The following CTNNA2 variants were observed in gnomAD, a reference collection of about 807,000 sequenced individuals.
CTNNA2 encodes catenin alpha 2, also known as catenin alpha-2.
CTNNA2 carries 42 observed loss-of-function variants against 101.0 expected under a neutral mutation model. The observed-to-expected ratio is 0.42, with a 90% confidence interval of 0.32 to 0.54. The LOEUF is 0.54. CTNNA2 is among the 20% of genes least tolerant of loss of function. CTNNA2 has a pLI of 0.14. For synonymous variants in CTNNA2, 450 were observed against 456.4 expected, an observed-to-expected ratio of 0.99 and a Z score of 0.18; for missense variants, 871 against 1,223.1, an observed-to-expected ratio of 0.71 and a Z score of 4.29.
intron 6 of CTNNA2, among the ~76,000 whole-genome samples, chr2:79,892,869 G>A (rs1031260050): frequency 2.0e-5 from 3 of 152,116 alleles, no homozygotes; most frequent in Non-Finnish European, 4.4e-5. Flanking sequence ...GAAATATTGG[G>A]GTGGAGGCAG....
intron 4 of CTNNA2, among the ~76,000 whole-genome samples, chr2:79,471,548 T>G (rs766945837): frequency 9.9e-5 from 15 of 152,074 alleles, no homozygotes; most frequent in Non-Finnish European, 2.1e-4. Flanking sequence ...GTTAAGATTT[T>G]AACATATCGG....
At chr2:79,751,184 T>C (rs1672010612) in intron 3 of CTNNA2, among the ~76,000 whole-genome samples, 1 of 152,152 alleles carries the variant, frequency 6.6e-6, no homozygotes, top group African/African-American at 2.4e-5. Flanking sequence ...ATTGGTGGGA[T>C]AAGAATTTCA....
chr2:80,251,450 T>C (rs1671756640), intron 7 of CTNNA2, among the ~76,000 whole-genome samples: 1 of 151,982 alleles, frequency 6.6e-6, no homozygotes, highest in South Asian at 2.1e-4. Flanking sequence ...AAAATGGAAA[T>C]CCATACGAAG....
chr2:79,424,889 G>T (rs543979423), intron 4 of CTNNA2, among the ~76,000 whole-genome samples: 1 of 152,218 alleles, frequency 6.6e-6, no homozygotes, highest in Non-Finnish European at 1.5e-5. Flanking sequence ...TAATTTTTTA[G>T]AAATGGAAAT....
chr2:80,382,264 G>A (rs564002700), intron 7 of CTNNA2, among the ~76,000 whole-genome samples: 3 of 152,098 alleles, frequency 2.0e-5, no homozygotes, highest in South Asian at 2.1e-4. Flanking sequence ...GCTTAGCACC[G>A]ATTCTGTGTA....
At chr2:79,293,939 G>A (rs1276733726) in intron 2 of CTNNA2, among the ~76,000 whole-genome samples, 2 of 151,920 alleles carry the variant, frequency 1.3e-5, no homozygotes, top group South Asian at 2.1e-4. Context: ...TATAAAACGA[G>A]AATAATAATA....
intron 7 of CTNNA2, among the ~76,000 whole-genome samples, chr2:80,223,091 ATAT>A (rs949178191): frequency 2.0e-5 from 3 of 152,128 alleles, no homozygotes; most frequent in East Asian, 3.9e-4. Context: ...CATCATGACC[ATAT>A]TATTATCTGT....
intron 18 of CTNNA2, among the ~76,000 whole-genome samples, chr2:80,635,077 A>G (rs1445301781): frequency 6.6e-6 from 1 of 152,144 alleles, no homozygotes; most frequent in Non-Finnish European, 1.5e-5. Context: ...CCTGAAGTAT[A>G]ATTTAGATGG....
intron 9 of CTNNA2, among the ~76,000 whole-genome samples, chr2:80,431,765 A>G (rs537819586): frequency 2.4e-4 from 37 of 152,346 alleles, no homozygotes; most frequent in African/African-American, 8.7e-4. Context: ...CAGCTTGGTC[A>G]TTATGTAAGT....
chr2:79,492,161 T>C (rs1165784817), intron 4 of CTNNA2, among the ~76,000 whole-genome samples: 1 of 152,094 alleles, frequency 6.6e-6, no homozygotes. Flanking sequence ...TTAATATTCA[T>C]ACTATTTATA....
intron 2 of CTNNA2, among the ~76,000 whole-genome samples, chr2:79,213,988 C>G (rs1298450357): frequency 1.3e-5 from 2 of 152,170 alleles, no homozygotes; most frequent in Non-Finnish European, 2.9e-5. Flanking sequence ...GACAGAAACA[C>G]TACAGGGTGG....
At chr2:79,189,345 T>G (rs902518440) in intron 1 of CTNNA2, among the ~76,000 whole-genome samples, 7 of 152,190 alleles carry the variant, frequency 4.6e-5, no homozygotes, top group Non-Finnish European at 2.9e-5. Flanking sequence ...TGCCAATTTT[T>G]GGCTTTATTA....
intron 7 of CTNNA2, among the ~76,000 whole-genome samples, chr2:80,273,867 C>G (rs1283351758): frequency 6.6e-6 from 1 of 152,118 alleles, no homozygotes; most frequent in African/African-American, 2.4e-5. Flanking sequence ...TGTAAACACT[C>G]TACCTTTCCC....
intron 4 of CTNNA2, among the ~76,000 whole-genome samples, chr2:79,500,392 G>A (rs946597871): frequency 6.6e-6 from 1 of 152,090 alleles, no homozygotes; most frequent in Non-Finnish European, 1.5e-5. Context: ...TAATTATATA[G>A]TAGATGCTTA....
chr2:80,556,643 C>T (rs2149661886), intron 12 of CTNNA2, among the ~76,000 whole-genome samples: 1 of 152,246 alleles, frequency 6.6e-6, no homozygotes, highest in South Asian at 2.1e-4. Context: ...ATATATAAGA[C>T]TGGCCTGTTT....
intron 7 of CTNNA2, among the ~76,000 whole-genome samples, chr2:80,002,443 G>A (rs574674097): frequency 1.3e-5 from 2 of 152,242 alleles, no homozygotes; most frequent in South Asian, 4.1e-4. Context: ...GCTCTAAATC[G>A]TTGTCTACAG....
Position 79,255,452 on chromosome 2 carries a change from A to G in CTNNA2, c.-405-57257A>G, listed in dbSNP as rs930181163. On this transcript the variant is annotated intron_variant, in intron 2 of 21. Coordinates refer to the CTNNA2 transcript ENST00000466387. ...TGATGAAAATAAGACATCAGCTCTC[A>G]ATCTTTCGAATAGAGAGCAAAAGTG... is the stretch of plus-strand genomic sequence containing the variant. 3.3e-5 allele frequency among the ~76,000 whole-genome samples: 5 copies of G among 152,336 alleles called. No homozygotes were observed. The South Asian group carries it at 1.0e-3, about 32-fold the overall frequency.
At chr2:79,429,985 T>A (rs1678639086) in intron 4 of CTNNA2, among the ~76,000 whole-genome samples, 1 of 152,150 alleles carries the variant, frequency 6.6e-6, no homozygotes, top group Admixed American at 6.6e-5. Flanking sequence ...AAGTGTTATA[T>A]CATTTTTAAC....
chr2:79,677,930 C>T (rs888267874), intron 2 of CTNNA2, among the ~76,000 whole-genome samples: 1 of 152,180 alleles, frequency 6.6e-6, no homozygotes, highest in African/African-American at 2.4e-5. Flanking sequence ...TGTTTTGCAA[C>T]TCACTGAGGA....
Sources: allele counts gnomAD v4.1 joint callset (sites outside exome capture counted in the v4.1 genomes callset), GRCh38; gene constraint gnomAD v4.1.1; transcripts MANE v1.5; gene names NCBI Gene and HGNC (gene_info 2026-07-23, HGNC 2026-07-21).